Variants in ZDHHC3 observed in about 807,000 individuals in gnomAD.
The protein encoded by ZDHHC3 is zDHHC palmitoyltransferase 3, also known as palmitoyltransferase ZDHHC3.
ZDHHC3 carries 9 observed loss-of-function variants against 30.6 expected under a neutral mutation model. The observed-to-expected ratio is 0.29, with a 90% CI of 0.18 to 0.51. The LOEUF (loss-of-function observed/expected upper bound fraction) is 0.51, where lower values mean the gene tolerates loss of function less well. Ranked by LOEUF, ZDHHC3 falls within the 20% of genes least tolerant of loss-of-function variation. The probability of loss-of-function intolerance (pLI) is 0.97; values close to 1 mark genes in which losing one functional copy is unlikely to be tolerated. For missense variants in ZDHHC3, 246 were observed against 384.2 expected, an observed-to-expected ratio of 0.64 and a Z score of 3.01; for synonymous variants, 136 against 140.2, an observed-to-expected ratio of 0.97 and a Z score of 0.21.
chr3:44,924,780 A>G lies in ZDHHC3; in HGVS notation c.*1909T>C. Reference sequence around the variant, plus strand: ...TAACTGAGCTGTATGTTATGAAAAAATTTTAAAAAAGCATATGGAAAACAA... The same window carrying G: ...TAACTGAGCTGTATGTTATGAAAAAGTTTTAAAAAAGCATATGGAAAACAA... On this transcript the variant is annotated 3_prime_UTR_variant, in exon 7 of 7. Coordinates refer to ENST00000424952, the MANE Select transcript of ZDHHC3 (RefSeq NM_001135179.2). 4.1e-6 allele frequency: 4 copies of G among 985,482 alleles called. No homozygotes were observed. The highest frequency in any genetic ancestry group is 4.8e-6 in the Non-Finnish European group (4 of 829,938). The allele number at this position is 985,482 out of a possible 1,614,324, so 61.0% of individuals were successfully genotyped here.
intron 1 of ZDHHC3, among the ~76,000 whole-genome samples, chr3:44,967,182 C>T (rs75206288): frequency 0.023 from 3,483 of 152,298 alleles, 103 homozygotes; most frequent in African/African-American, 0.077. Flanking sequence ...GTCGGTAAAC[C>T]GAAATTTCCT....
Position 44,960,701 on chromosome 3 carries a change from A to G in ZDHHC3, c.-24-1241T>C, listed in dbSNP as rs569157385. On this transcript the variant is annotated intron_variant, in intron 1 of 6. Coordinates refer to ENST00000424952, the MANE Select transcript of ZDHHC3 (RefSeq NM_001135179.2). ...AAAAGCCACTCATAGCACAGGCTAC[A>G]ACACAGGCAAGAAATATCTCTGTCT... is the stretch of plus-strand genomic sequence containing the variant. Among the ~76,000 whole-genome samples, 110 of 152,350 alleles carry G rather than the reference A, an allele frequency of 7.2e-4. 1 individual carries two copies. Among genetic ancestry groups the G allele is most frequent in the African/African-American group, 2.5e-3 (104 of 41,572 alleles).
In ZDHHC3 at chr3:44,962,555, G is replaced by A. The variant is rs887193127; in HGVS notation, c.-24-3095C>T. Among the ~76,000 whole-genome samples the A allele has an allele frequency of 2.0e-5, 3 of 146,910 alleles. No homozygotes were observed. The South Asian group carries it at 6.5e-4, about 32-fold the overall frequency. ...AGGAAGGAAGGAAGGGGAGGGGAGG[G>A]GTATTATAGCTGTTTGTCCCTTAAG... On this transcript the variant is annotated intron_variant, in intron 1 of 6. Transcript: ENST00000424952.
In ZDHHC3 at chr3:44,922,537, C is replaced by A. The variant is rs892300627; in HGVS notation, c.*4152G>T. On this transcript the variant is annotated 3_prime_UTR_variant, in exon 7 of 7. Coordinates refer to ENST00000424952, the MANE Select transcript of ZDHHC3 (RefSeq NM_001135179.2). Reference sequence around the variant, plus strand: ...GAAGGCAGTCTCAGTGGCTTCTCCGCGGAGGGAACACGTGCCTGTCTCACA... The same window carrying A: ...GAAGGCAGTCTCAGTGGCTTCTCCGAGGAGGGAACACGTGCCTGTCTCACA... 1 of 985,384 alleles carries A rather than the reference C, an allele frequency of 1.0e-6. No homozygotes were observed. The highest frequency in any genetic ancestry group is 1.2e-6 in the Non-Finnish European group (1 of 829,928). 61.0% of individuals were successfully genotyped at this position (985,384 alleles called of 1,614,324 possible). A position where few individuals can be genotyped will look rare whatever the true frequency, so the allele number is the denominator to read the frequency against.
rs954487212 is a variant in ZDHHC3 at position 44,917,805 on chromosome 3, C to A, written c.*8884G>T. Reference sequence around the variant, plus strand: ...AGGGAAGCACTGGGGGTGCTGGGAGCGCACCATGCCCATAAGCCCCTTTAG... The same window carrying A: ...AGGGAAGCACTGGGGGTGCTGGGAGAGCACCATGCCCATAAGCCCCTTTAG... On this transcript the variant is annotated 3_prime_UTR_variant, in exon 7 of 7. Coordinates refer to ENST00000424952, the MANE Select transcript of ZDHHC3 (RefSeq NM_001135179.2). The A allele has an allele frequency of 9.8e-6, 12 of 1,228,560 alleles. No individual in the cohort carries two copies. The Admixed American group carries it at 2.7e-4, about 28-fold the overall frequency. 76.1% of individuals were successfully genotyped at this position (1,228,560 alleles called of 1,614,324 possible).
intron 5 of ZDHHC3, 81 bp downstream of exon 5, chr3:44,933,037 G>A: frequency 3.7e-6 from 6 of 1,613,468 alleles, no homozygotes; most frequent in Non-Finnish European, 4.2e-6. Flanking sequence ...GCACCATGAA[G>A]GAAACAAAGA....
intron 1 of ZDHHC3, among the ~76,000 whole-genome samples, chr3:44,973,280 T>C (rs1200877398): frequency 1.3e-5 from 2 of 152,000 alleles, no homozygotes; most frequent in Non-Finnish European, 2.9e-5. Flanking sequence ...TGGTTAGGAG[T>C]ATGGGCAGGA....
chr3:44,964,646 G>C (rs1422126594), intron 1 of ZDHHC3, among the ~76,000 whole-genome samples: 1 of 152,210 alleles, frequency 6.6e-6, no homozygotes, highest in Non-Finnish European at 1.5e-5. Context: ...CTCTAGAAGT[G>C]ACAGGCAAGA....
At chr3:44,975,064 T>A (rs112366759) in intron 1 of ZDHHC3, among the ~76,000 whole-genome samples, 1 of 152,126 alleles carries the variant, frequency 6.6e-6, no homozygotes, top group African/African-American at 2.4e-5. Context: ...ATTTTTTTTT[T>A]TTTTTGGCTG....
rs896795731 is a variant in ZDHHC3 at position 44,923,371 on chromosome 3, A to G, written c.*3318T>C. The G allele has an allele frequency of 1.3e-5, 13 of 985,260 alleles. No individual in the cohort carries two copies. Among genetic ancestry groups the G allele is most frequent in the Non-Finnish European group, 3.6e-6 (3 of 829,918 alleles). 61.0% of individuals were successfully genotyped at this position (985,260 alleles called of 1,614,324 possible). A position where few individuals can be genotyped will look rare whatever the true frequency, so the allele number is the denominator to read the frequency against. On this transcript the variant is annotated 3_prime_UTR_variant, in exon 7 of 7. Coordinates refer to ENST00000424952, the MANE Select transcript of ZDHHC3 (RefSeq NM_001135179.2). ...GATTACAGGCGTGAGGGATGTCCAC[A>G]GTGAGAAGTGTCCGCGCCCGGCTTA...
intron 6 of ZDHHC3, 102 bp from the exon 7 acceptor site, chr3:44,926,949 T>C (rs1462970034): frequency 6.4e-6 from 9 of 1,411,094 alleles, no homozygotes; most frequent in Non-Finnish European, 8.4e-6. Flanking sequence ...ATGTTTCCTT[T>C]TTAAAGCAAC....
rs1398280369 is a variant in ZDHHC3, at chr3:44,920,686, CAG to C, written c.*6001_*6002del. 6 of 985,214 alleles carry C rather than the reference CAG, an allele frequency of 6.1e-6. No homozygotes were observed. The highest frequency in any genetic ancestry group is 1.7e-5 in the African/African-American group (1 of 57,202). The allele number at this position is 985,214 out of a possible 1,614,324, so 61.0% of individuals were successfully genotyped here. On this transcript the variant is annotated 3_prime_UTR_variant, in exon 7 of 7. Transcript: ENST00000424952. ...CCACTGTGCCCAGGCTGAGCTCAGTCAGAGAGAAGGGGAATGAAGCCAAGAGC... is the reference window on the plus strand; with the variant it reads ...CCACTGTGCCCAGGCTGAGCTCAGTCAGAGAAGGGGAATGAAGCCAAGAGC...
In ZDHHC3 at chr3:44,926,243, G is replaced by A. The variant is rs907455169; in HGVS notation, c.*446C>T. 43 of 986,632 alleles carry A rather than the reference G, an allele frequency of 4.4e-5. No homozygotes were observed. Among genetic ancestry groups the A allele is most frequent in the Middle Eastern group, 5.2e-4 (1 of 1,938 alleles). 61.1% of individuals were successfully genotyped at this position (986,632 alleles called of 1,614,324 possible). ...CTTCGGTGAGGTTTTATGTCCCATC[G>A]GGGAGCCCGCCACTGCCTCCTGGGC... On this transcript the variant is annotated 3_prime_UTR_variant, in exon 7 of 7. Transcript: ENST00000424952.
intron 1 of ZDHHC3, among the ~76,000 whole-genome samples, chr3:44,972,909 G>A (rs1705522193): frequency 6.6e-6 from 1 of 152,152 alleles, no homozygotes; most frequent in African/African-American, 2.4e-5. Flanking sequence ...TTGGAATCTG[G>A]GTCTCCATGC....
In ZDHHC3 at chr3:44,920,231, C is replaced by T; in HGVS notation, c.*6458G>A. ...TGAGCATGTGATGCCATGCTGCTTC[C>T]TGACTGGCCCCTCGCCAGGCCTCCC... On this transcript the variant is annotated 3_prime_UTR_variant, in exon 7 of 7. Transcript: ENST00000424952. 2.3e-6 allele frequency: 3 copies of T among 1,289,966 alleles called. No individual in the cohort carries two copies. The highest frequency in any genetic ancestry group is 3.0e-6 in the Non-Finnish European group (3 of 988,902). 79.9% of individuals were successfully genotyped at this position (1,289,966 alleles called of 1,614,324 possible). A position where few individuals can be genotyped will look rare whatever the true frequency, so the allele number is the denominator to read the frequency against.
intron 2 of ZDHHC3, among the ~76,000 whole-genome samples, chr3:44,949,999 C>T (rs1197339053): frequency 1.3e-5 from 2 of 152,092 alleles, no homozygotes; most frequent in African/African-American, 4.8e-5. Context: ...CCATGTCCAG[C>T]TAATTACAAA....
rs949096056 is a variant in ZDHHC3 at position 44,926,237 on chromosome 3, C to A, written c.*452G>T. The A allele has an allele frequency of 8.1e-6, 8 of 986,474 alleles. No homozygotes were observed. The African/African-American group carries it at 1.4e-4, about 17-fold the overall frequency. 61.1% of individuals were successfully genotyped at this position (986,474 alleles called of 1,614,324 possible). On this transcript the variant is annotated 3_prime_UTR_variant, in exon 7 of 7. Coordinates refer to ENST00000424952, the MANE Select transcript of ZDHHC3 (RefSeq NM_001135179.2). Reference sequence around the variant, plus strand: ...ATCCATCTTCGGTGAGGTTTTATGTCCCATCGGGGAGCCCGCCACTGCCTC... The same window carrying A: ...ATCCATCTTCGGTGAGGTTTTATGTACCATCGGGGAGCCCGCCACTGCCTC...
Position 44,920,615 on chromosome 3 carries a change from G to A in ZDHHC3, c.*6074C>T, listed in dbSNP as rs1003104470. On this transcript the variant is annotated 3_prime_UTR_variant, in exon 7 of 7. Coordinates refer to ENST00000424952, the MANE Select transcript of ZDHHC3 (RefSeq NM_001135179.2). ...TGTATCAGAACTGGAACCAGAACTA[G>A]TGTCTTTTTTTCTGCCCAACAGGTT... The A allele has an allele frequency of 2.0e-6, 2 of 985,414 alleles. No individual in the cohort carries two copies. Among genetic ancestry groups the A allele is most frequent in the Non-Finnish European group, 2.4e-6 (2 of 829,922 alleles). 61.0% of individuals were successfully genotyped at this position (985,414 alleles called of 1,614,324 possible).
chr3:44,967,535 T>TG (rs903805495), intron 1 of ZDHHC3, among the ~76,000 whole-genome samples: 7 of 150,720 alleles, frequency 4.6e-5, no homozygotes, highest in East Asian at 1.9e-4. Context: ...TTTTTTTAAT[T>TG]GGGGGAAAAA....
Sources: gnomAD v4.1 joint callset for allele counts (sites outside exome capture counted in the v4.1 genomes callset) on GRCh38, gnomAD v4.1.1 for gene constraint, MANE v1.5 for transcripts, NCBI Gene and HGNC (gene_info 2026-07-23, HGNC 2026-07-21) for gene names.